ZNF385B: variants seen among roughly 807,000 people sequenced by gnomAD.
The protein encoded by ZNF385B is zinc finger protein 533.
A neutral mutation model predicts 39.2 loss-of-function variants in ZNF385B; 23 were observed. That is an observed-to-expected ratio of 0.59 (90% CI 0.42 to 0.83). ZNF385B has a LOEUF of 0.83. ZNF385B is among the 40% of genes least tolerant of loss of function. The probability of loss-of-function intolerance (pLI) is 0.00; values close to 1 mark genes in which losing one functional copy is unlikely to be tolerated. For synonymous variants in ZNF385B, 205 were observed against 222.6 expected (o/e 0.92, Z 0.70); for missense variants, 552 against 598.9 (o/e 0.92, Z 0.82).
intron 1 of ZNF385B, among the ~76,000 whole-genome samples, chr2:179,776,453 T>G (rs530159164): frequency 6.6e-6 from 1 of 151,750 alleles, no homozygotes; most frequent in Non-Finnish European, 1.5e-5. Context: ...CTAAGGAGGG[T>G]TTTAGTCCAT....
intron 3 of ZNF385B, among the ~76,000 whole-genome samples, chr2:179,720,833 T>C (rs1300744419): frequency 1.3e-5 from 2 of 151,926 alleles, no homozygotes; most frequent in South Asian, 4.2e-4. Context: ...TAATCACACT[T>C]ACTATAACCT....
At chr2:179,602,891 C>T (rs987977617) in intron 3 of ZNF385B, among the ~76,000 whole-genome samples, 1 of 152,076 alleles carries the variant, frequency 6.6e-6, no homozygotes, top group African/African-American at 2.4e-5. Context: ...TAAAGGAGTG[C>T]TTTTTGGTAT....
intron 3 of ZNF385B, chr2:179,745,877 G>A: frequency 7.8e-7 from 1 of 1,280,414 alleles, no homozygotes; most frequent in Non-Finnish European, 9.9e-7. Flanking sequence ...CGTTATATCA[G>A]TGCCGCTCCA....
Position 179,757,885 on chromosome 2 carries a change from G to A in ZNF385B, c.298+11618C>T, listed in dbSNP as rs538291382. Among the ~76,000 whole-genome samples the A allele has an allele frequency of 3.7e-4, 56 of 152,214 alleles. 1 individual carries two copies. Among genetic ancestry groups the A allele is most frequent in the African/African-American group, 1.2e-3 (48 of 41,528 alleles). On this transcript the variant is annotated intron_variant, in intron 3 of 9. Coordinates refer to ENST00000410066, the MANE Select transcript of ZNF385B (RefSeq NM_152520.6). ...CACAGTTTCCCTTGGCTAGGAAAGG[G>A]AATTCCCTGACCCCTTGTGCTTCCC...
chr2:179,806,040 C>G (rs1706326912), intron 1 of ZNF385B, among the ~76,000 whole-genome samples: 1 of 151,890 alleles, frequency 6.6e-6, no homozygotes, highest in African/African-American at 2.4e-5. Flanking sequence ...GATGAAAAAG[C>G]AGAAATCATT....
intron 6 of ZNF385B, among the ~76,000 whole-genome samples, chr2:179,460,967 T>C (rs1158144770): frequency 6.6e-6 from 1 of 152,214 alleles, no homozygotes; most frequent in Non-Finnish European, 1.5e-5. Flanking sequence ...GTTTTATCTG[T>C]GCAGCAAGCA....
At chr2:179,745,846 A>C (rs1702351156) in intron 3 of ZNF385B, 1 of 1,357,290 alleles carries the variant, frequency 7.4e-7, no homozygotes, top group Admixed American at 3.3e-5. Context: ...TCCAGCCCTG[A>C]TTATCTGTGT....
intron 1 of ZNF385B, among the ~76,000 whole-genome samples, chr2:179,849,190 G>T (rs1010127052): frequency 2.6e-5 from 4 of 152,182 alleles, no homozygotes; most frequent in Non-Finnish European, 4.4e-5. Flanking sequence ...TCCCTTATCA[G>T]CATCATTCTG....
intron 5 of ZNF385B, among the ~76,000 whole-genome samples, chr2:179,490,338 C>CAT (rs1262252304): frequency 1.3e-5 from 2 of 148,390 alleles, no homozygotes; most frequent in East Asian, 3.9e-4. Flanking sequence ...CACACACACA[C>CAT]ATATATATGT....
At chr2:179,694,845 T>C (rs1698601655) in intron 3 of ZNF385B, among the ~76,000 whole-genome samples, 1 of 151,744 alleles carries the variant, frequency 6.6e-6, no homozygotes, top group Non-Finnish European at 1.5e-5. Context: ...CAGGAGAATC[T>C]CTTGAACCTG....
At chr2:179,479,592 C>A (rs1377810692) in intron 6 of ZNF385B, among the ~76,000 whole-genome samples, 1 of 152,148 alleles carries the variant, frequency 6.6e-6, no homozygotes, top group Non-Finnish European at 1.5e-5. Context: ...GTAATCCCAG[C>A]ATTTTAGGAG....
intron 7 of ZNF385B, 97 bp downstream of exon 7, chr2:179,446,428 C>G (rs995605522): frequency 1.4e-6 from 2 of 1,471,280 alleles, no homozygotes; most frequent in African/African-American, 1.4e-5. Flanking sequence ...AAGCATGGAA[C>G]AAACCTAAGG....
intron 4 of ZNF385B, among the ~76,000 whole-genome samples, chr2:179,532,518 AT>A (rs2059314192): frequency 1.3e-5 from 2 of 152,190 alleles, no homozygotes; most frequent in African/African-American, 4.8e-5. Context: ...GGCAAAAATC[AT>A]TTGTATTTAC....
At chr2:179,739,709 A>T (rs10497549) in intron 3 of ZNF385B, among the ~76,000 whole-genome samples, 3 of 152,072 alleles carry the variant, frequency 2.0e-5, no homozygotes, top group Non-Finnish European at 1.5e-5. Context: ...CTGGAGTATT[A>T]GTATAGCTTA....
At chr2:179,602,188 T>A (rs1275196245) in intron 3 of ZNF385B, among the ~76,000 whole-genome samples, 1 of 152,006 alleles carries the variant, frequency 6.6e-6, no homozygotes, top group African/African-American at 2.4e-5. Flanking sequence ...AGACTATTTG[T>A]ATGAGCTTAT....
chr2:179,443,399 C>G lies in ZNF385B; in HGVS notation c.1312G>C (p.Ala438Pro). The change falls in exon 10 of 10, where the codon GCG becomes CCG. Residue 438 changes from alanine (A) to proline (P), a missense_variant. Physicochemically the swap from Ala to Pro is conservative, Grantham distance 27. Coordinates refer to ENST00000410066, the MANE Select transcript of ZNF385B (RefSeq NM_152520.6). ...APAFLSSPLA[A>P]AAAVSSALSL... is the part of the protein sequence containing the mutation. ...AGCGCTGAGGACACGGCTGCCGCCG[C>G]TGCGAGAGGTGAGGACAGGAAGGCT... The G allele has an allele frequency of 1.9e-6, 3 of 1,611,898 alleles. No homozygotes were observed. The highest frequency in any genetic ancestry group is 2.5e-6 in the Non-Finnish European group (3 of 1,179,282).
chr2:179,656,118 A>C (rs1306299712), intron 3 of ZNF385B, among the ~76,000 whole-genome samples: 1 of 152,180 alleles, frequency 6.6e-6, no homozygotes, highest in Non-Finnish European at 1.5e-5. Flanking sequence ...TCTGCCCTTC[A>C]TGGATAATAC....
chr2:179,674,083 G>C (rs547236472), intron 3 of ZNF385B, among the ~76,000 whole-genome samples: 1 of 152,150 alleles, frequency 6.6e-6, no homozygotes, highest in African/African-American at 2.4e-5. Context: ...TGTAAGGCCA[G>C]GGACAACTTG....
intron 1 of ZNF385B, among the ~76,000 whole-genome samples, chr2:179,814,874 A>G (rs553443201): frequency 2.0e-5 from 3 of 152,376 alleles, no homozygotes; most frequent in African/African-American, 7.2e-5. Context: ...ACTGAATGAA[A>G]GGAAGATTTT....
Sources: allele counts gnomAD v4.1 joint callset (sites outside exome capture counted in the v4.1 genomes callset), GRCh38; gene constraint gnomAD v4.1.1; transcripts MANE v1.5; gene names NCBI Gene and HGNC (gene_info 2026-07-23, HGNC 2026-07-21).